RALGPS2: variants seen among roughly 807,000 people sequenced by gnomAD.
The protein encoded by RALGPS2 is ras-specific guanine nucleotide-releasing factor RalGPS2.
A neutral mutation model predicts 86.8 loss-of-function variants in RALGPS2; 43 were observed. That is an observed-to-expected ratio of 0.50 (90% confidence interval 0.39 to 0.64). RALGPS2 has a LOEUF of 0.64. RALGPS2 is among the 30% of genes least tolerant of loss of function. RALGPS2 has a pLI of 0.00. For synonymous variants in RALGPS2, 243 were observed against 231.3 expected (o/e 1.05, Z -0.46); for missense variants, 536 against 694.6 (o/e 0.77, Z 2.57).
At chr1:178,907,123 A>G (rs1460963693) in intron 19 of RALGPS2, among the ~76,000 whole-genome samples, 1 of 152,242 alleles carries the variant, frequency 6.6e-6, no homozygotes, top group East Asian at 1.9e-4. Flanking sequence ...ATATAGAGCA[A>G]TGGGAGTACA....
At chr1:178,796,168 A>T (rs1654182088) in intron 4 of RALGPS2, among the ~76,000 whole-genome samples, 1 of 152,190 alleles carries the variant, frequency 6.6e-6, no homozygotes, top group Non-Finnish European at 1.5e-5. Context: ...GACATCAGAG[A>T]TAGGAAAAGA....
intron 15 of RALGPS2, among the ~76,000 whole-genome samples, chr1:178,893,448 GTTTTC>G (rs1286438934): frequency 1.5e-5 from 2 of 132,968 alleles, no homozygotes; most frequent in Non-Finnish European, 3.3e-5. Flanking sequence ...AATTAAGCAT[GTTTTC>G]TTTTTTTTTT....
At chr1:178,742,252 A>T (rs1164215637) in intron 1 of RALGPS2, among the ~76,000 whole-genome samples, 1 of 152,170 alleles carries the variant, frequency 6.6e-6, no homozygotes, top group Non-Finnish European at 1.5e-5. Context: ...CAAATAGGCT[A>T]AAAGTAAAGG....
chr1:178,805,795 GTAAC>G (rs1654713950), intron 4 of RALGPS2, among the ~76,000 whole-genome samples: 1 of 151,970 alleles, frequency 6.6e-6, no homozygotes, highest in South Asian at 2.1e-4. Context: ...TTTTGACTAA[GTAAC>G]TATATTTTTT....
At chr1:178,864,929 CT>C in intron 8 of RALGPS2, 9 of 1,396,406 alleles carry the variant, frequency 6.4e-6, no homozygotes, top group Non-Finnish European at 7.5e-6. Context: ...CATACTCCCA[CT>C]TTTTACAGTA....
At chr1:178,788,222 A>C (rs542160642) in intron 4 of RALGPS2, among the ~76,000 whole-genome samples, 1 of 152,176 alleles carries the variant, frequency 6.6e-6, no homozygotes, top group African/African-American at 2.4e-5. Context: ...CTAGCACTCT[A>C]TACTTTTTCA....
At chr1:178,818,099 G>A (rs780150197) in intron 6 of RALGPS2, among the ~76,000 whole-genome samples, 1 of 152,110 alleles carries the variant, frequency 6.6e-6, no homozygotes, top group Non-Finnish European at 1.5e-5. Context: ...GGTGGCTCAC[G>A]CCTGTAATCC....
At chr1:178,856,202 G>GAGATATATATATATATAT (rs1428022812) in intron 8 of RALGPS2, among the ~76,000 whole-genome samples, 4 of 83,908 alleles carry the variant, frequency 4.8e-5, no homozygotes, top group African/African-American at 1.9e-4. Flanking sequence ...GAGAGAGAGA[G>GAGATATATATATATATAT]ATATATATAT....
chr1:178,728,727 T>C (rs1303219897), intron 1 of RALGPS2, among the ~76,000 whole-genome samples: 2 of 152,176 alleles, frequency 1.3e-5, no homozygotes, highest in African/African-American at 4.8e-5. Flanking sequence ...GAATCCTTTT[T>C]AGTGAGAGAA....
intron 15 of RALGPS2, chr1:178,893,700 G>T: frequency 2.6e-6 from 1 of 380,810 alleles, no homozygotes; most frequent in Middle Eastern, 7.3e-4. Context: ...AATAAAGTGT[G>T]TTTTTTAACC....
intron 6 of RALGPS2, among the ~76,000 whole-genome samples, chr1:178,812,966 T>C (rs1006082004): frequency 1.4e-5 from 2 of 145,680 alleles, no homozygotes; most frequent in Non-Finnish European, 1.5e-5. Context: ...GGTGTTGCGC[T>C]CTGTGGCCCA....
intron 5 of RALGPS2, among the ~76,000 whole-genome samples, chr1:178,808,582 G>T (rs1654842357): frequency 6.6e-6 from 1 of 151,966 alleles, no homozygotes; most frequent in Non-Finnish European, 1.5e-5. Flanking sequence ...TTCTTAAAGT[G>T]GTTTTTTCAA....
chr1:178,878,830 T>C (rs1467812165), intron 9 of RALGPS2, 72 bp from the exon 10 acceptor site: 2 of 1,564,200 alleles, frequency 1.3e-6, no homozygotes, highest in East Asian at 2.3e-5. Flanking sequence ...CTTTAAGTTA[T>C]TTTCAGCTTA....
chr1:178,888,611 A>G (rs1209112633), intron 13 of RALGPS2, among the ~76,000 whole-genome samples: 2 of 152,188 alleles, frequency 1.3e-5, no homozygotes, highest in South Asian at 4.1e-4. Flanking sequence ...GATAATGTAG[A>G]TAATGTACAA....
chr1:178,802,877 T>C (rs984703251), intron 4 of RALGPS2, among the ~76,000 whole-genome samples: 1 of 152,176 alleles, frequency 6.6e-6, no homozygotes, highest in Non-Finnish European at 1.5e-5. Flanking sequence ...TCCCTAGCTT[T>C]TTCTTAATTT....
chr1:178,738,401 G>GT (rs1437099115), intron 1 of RALGPS2, among the ~76,000 whole-genome samples: 1 of 151,662 alleles, frequency 6.6e-6, no homozygotes, highest in Non-Finnish European at 1.5e-5. Context: ...TAGAGACAGA[G>GT]TTTCACCATG....
At chr1:178,892,333 C>G (rs1159983399) in intron 15 of RALGPS2, 26 bp downstream of exon 15, 5 of 1,589,506 alleles carry the variant, frequency 3.1e-6, no homozygotes, top group African/African-American at 1.3e-5. Context: ...ATTCAGGGGT[C>G]ACAGAACTCC....
chr1:178,766,668 G>A (rs966460203), intron 1 of RALGPS2, among the ~76,000 whole-genome samples: 10 of 152,116 alleles, frequency 6.6e-5, no homozygotes, highest in Non-Finnish European at 7.4e-5. Flanking sequence ...CTCTCTGGCT[G>A]CCTTTAACAT....
chr1:178,839,753 A>G (rs1158710746), intron 8 of RALGPS2, among the ~76,000 whole-genome samples: 1 of 152,228 alleles, frequency 6.6e-6, no homozygotes, highest in African/African-American at 2.4e-5. Context: ...AGTGTGCTGT[A>G]TTCAGGAGAC....
Sources: allele counts gnomAD v4.1 joint callset (sites outside exome capture counted in the v4.1 genomes callset), GRCh38; gene constraint gnomAD v4.1.1; transcripts MANE v1.5; gene names NCBI Gene and HGNC (gene_info 2026-07-23, HGNC 2026-07-21).